PCDH11X: variants seen among roughly 807,000 people sequenced by gnomAD.
The protein encoded by PCDH11X is protocadherin 11 X-linked, also known as protocadherin-11 X-linked.
In PCDH11X, 18 loss-of-function variants were observed where a neutral mutation model predicts 53.3. That is an observed-to-expected ratio of 0.34 (90% confidence interval 0.23 to 0.50). PCDH11X has a LOEUF of 0.50. Among genes scored for constraint, PCDH11X ranks in the 20% least tolerant of loss-of-function variants. The probability of loss-of-function intolerance (pLI) is 0.98; values close to 1 mark genes in which losing one functional copy is unlikely to be tolerated. For missense variants in PCDH11X, 570 were observed against 1,032.4 expected, an observed-to-expected ratio of 0.55 and a Z score of 6.14; for synonymous variants, 279 against 393.3, an observed-to-expected ratio of 0.71 and a Z score of 3.44.
At chrX:91,844,586 G>T (rs1172863116) in intron 5 of PCDH11X, among the ~76,000 whole-genome samples, 1 of 106,254 alleles carries the variant, frequency 9.4e-6, no homozygotes, top group Non-Finnish European at 1.9e-5. Context: ...AGACAATCAC[G>T]ACTGTTTTTT....
chrX:92,474,808 T>C (rs1225914475), intron 10 of PCDH11X, among the ~76,000 whole-genome samples: 1 of 107,294 alleles, frequency 9.3e-6, no homozygotes, highest in Non-Finnish European at 1.9e-5. Flanking sequence ...TTATACTGTC[T>C]AGGTCTTGAA....
intron 9 of PCDH11X, among the ~76,000 whole-genome samples, chrX:92,430,001 A>G (rs948416930): frequency 9.1e-6 from 1 of 109,965 alleles, no homozygotes; most frequent in Non-Finnish European, 1.9e-5. Flanking sequence ...ATTGGAGAAC[A>G]GTTATCAATG....
intron 9 of PCDH11X, among the ~76,000 whole-genome samples, chrX:92,388,375 A>G (rs923746714): frequency 3.0e-4 from 32 of 108,102 alleles, no homozygotes; most frequent in African/African-American, 9.7e-4. Context: ...CCTGACTCCA[A>G]TGTAGGAGAG....
chrX:91,999,617 A>C (rs2062475901), intron 6 of PCDH11X, among the ~76,000 whole-genome samples: 2 of 85,289 alleles, frequency 2.3e-5, no homozygotes, highest in African/African-American at 1.1e-4. Flanking sequence ...GAGTCAGTAG[A>C]GCTTTATAAA....
intron 6 of PCDH11X, among the ~76,000 whole-genome samples, chrX:92,114,984 T>C (rs2362521): frequency 0.13 from 14,538 of 109,930 alleles, 1,145 homozygotes; most frequent in East Asian, 0.45. Context: ...AGGCCCCCAC[T>C]ACCATGCCCG....
At position 92,220,641 on chromosome X, in the gene PCDH11X, C is replaced by T. The variant is rs1406634297; in HGVS notation, c.3114+19186C>T. 5.3e-4 allele frequency among the ~76,000 whole-genome samples: 59 copies of T among 110,571 alleles called. 1 individual carries two copies. The highest frequency in any genetic ancestry group is 8.3e-4 in the Non-Finnish European group (44 of 52,886). ...TCAACCATTGTGGAAGTCAGTGTGG[C>T]GATTCCTCAGGGATGTAGAACTAGA... On this transcript the variant is annotated intron_variant, in intron 7 of 10. Transcript: ENST00000682573.
chrX:92,215,024 G>A (rs1202660737), intron 7 of PCDH11X, among the ~76,000 whole-genome samples: 3 of 111,581 alleles, frequency 2.7e-5, no homozygotes, highest in Non-Finnish European at 5.6e-5. Context: ...CTCTAGCCCC[G>A]GCGACGGAAG....
intron 6 of PCDH11X, among the ~76,000 whole-genome samples, chrX:91,880,617 A>G (rs1186831868): frequency 9.0e-6 from 1 of 111,088 alleles, no homozygotes; most frequent in African/African-American, 3.3e-5. Context: ...CATTTTTGTT[A>G]CAGTAGGTAC....
chrX:92,120,508 G>A (rs1333922706), intron 6 of PCDH11X, among the ~76,000 whole-genome samples: 1 of 112,682 alleles, frequency 8.9e-6, no homozygotes, highest in African/African-American at 3.2e-5. Context: ...AGATAAGTAT[G>A]GTGAAAATGC....
chrX:91,956,468 C>A (rs1296309865), intron 6 of PCDH11X, among the ~76,000 whole-genome samples: 2 of 110,934 alleles, frequency 1.8e-5, no homozygotes, highest in South Asian at 3.8e-4. Flanking sequence ...ATTCCCTTAG[C>A]CTTCGCTTGT....
At position 92,353,626 on chromosome X, in the gene PCDH11X, T is replaced by C. The variant is rs374350206; in HGVS notation, c.3145-34109T>C. Among the ~76,000 whole-genome samples, 132 of 109,995 alleles carry C rather than the reference T, an allele frequency of 1.2e-3. 2 individuals carry two copies. The East Asian group carries it at 0.025, about 21-fold the overall frequency. On this transcript the variant is annotated intron_variant, in intron 8 of 10. Coordinates refer to ENST00000682573, the MANE Select transcript of PCDH11X (RefSeq NM_032968.5). The stretch of plus-strand genomic sequence containing the variant: ...TGACGTCTTTTAATTTCATGTAAAC[T>C]AACAATATTCAATTTCATTTGGAAA...
At chrX:92,615,707 G>C (rs192127873) in intron 10 of PCDH11X, among the ~76,000 whole-genome samples, 1 of 110,633 alleles carries the variant, frequency 9.0e-6, no homozygotes, top group African/African-American at 3.3e-5. Flanking sequence ...GCATCCTGCT[G>C]TCAGTCCTTG....
At chrX:91,931,746 A>G (rs954875646) in intron 6 of PCDH11X, among the ~76,000 whole-genome samples, 118 of 110,631 alleles carry the variant, frequency 1.1e-3, no homozygotes, top group Non-Finnish European at 2.0e-3. Flanking sequence ...TTAATCCTAT[A>G]GAGAAGTCAT....
chrX:92,218,179 C>A (rs1483403618), intron 7 of PCDH11X, among the ~76,000 whole-genome samples: 2 of 110,126 alleles, frequency 1.8e-5, no homozygotes, highest in African/African-American at 6.6e-5. Flanking sequence ...TAGCAGAAGG[C>A]AAGAAATAAC....
chrX:91,804,175 A>G (rs1224444450), intron 1 of PCDH11X, among the ~76,000 whole-genome samples: 1 of 112,141 alleles, frequency 8.9e-6, no homozygotes, highest in Non-Finnish European at 1.9e-5. Flanking sequence ...AAAATTAAAC[A>G]TTTTAAAAAA....
intron 10 of PCDH11X, among the ~76,000 whole-genome samples, chrX:92,498,055 T>G (rs1331116024): frequency 8.9e-6 from 1 of 111,879 alleles, no homozygotes; most frequent in Non-Finnish European, 1.9e-5. Flanking sequence ...ATTTATTGTT[T>G]TGTTATTTGG....
chrX:92,593,036 C>CT (rs928357280), intron 10 of PCDH11X, among the ~76,000 whole-genome samples: 1 of 110,272 alleles, frequency 9.1e-6, no homozygotes, highest in Admixed American at 9.7e-5. Flanking sequence ...CAGAAAGAAA[C>CT]TTTAACATGT....
chrX:91,958,565 C>T (rs2061740843), intron 6 of PCDH11X, among the ~76,000 whole-genome samples: 1 of 110,986 alleles, frequency 9.0e-6, no homozygotes, highest in Non-Finnish European at 1.9e-5. Flanking sequence ...CTCACCACTT[C>T]CCTTGGATGA....
rs892761708 is a variant in PCDH11X, at chrX:92,015,344, A to T, written c.3033+136071A>T. Among the ~76,000 whole-genome samples, 3 of 111,727 alleles carry T rather than the reference A, an allele frequency of 2.7e-5. No homozygotes were observed. In the Admixed American group the frequency reaches 2.9e-4, roughly 11 times the overall value. On this transcript the variant is annotated intron_variant, in intron 6 of 10. Transcript: ENST00000682573. ...TGGAGTAGTTGTGACAATTTCTTAA[A>T]AGAAGATCACAGTAAAGTTTGCTAC...
Sources: allele counts gnomAD v4.1 joint callset (sites outside exome capture counted in the v4.1 genomes callset), GRCh38; gene constraint gnomAD v4.1.1; transcripts MANE v1.5; gene names NCBI Gene and HGNC (gene_info 2026-07-23, HGNC 2026-07-21).